PKN2: variants seen among roughly 807,000 people sequenced by gnomAD.
The protein encoded by PKN2 is serine/threonine-protein kinase N2.
A neutral mutation model predicts 119.1 loss-of-function variants in PKN2; 38 were observed. The ratio of observed to expected loss-of-function variants is 0.32; its 90% confidence interval spans 0.25 to 0.42. PKN2 has a LOEUF of 0.42. PKN2 is among the 10% of genes least tolerant of loss of function. The probability of loss-of-function intolerance (pLI) is 1.00; values close to 1 mark genes in which losing one functional copy is unlikely to be tolerated. For synonymous variants in PKN2, 390 were observed against 384.9 expected (o/e 1.01, Z -0.15); for missense variants, 850 against 1,165.1 (o/e 0.73, Z 3.94).
At chr1:88,732,477 T>G (rs1474522445) in intron 1 of PKN2, among the ~76,000 whole-genome samples, 1 of 152,196 alleles carries the variant, frequency 6.6e-6, no homozygotes, top group African/African-American at 2.4e-5. Flanking sequence ...GAAACCTTTC[T>G]TTATTCGCTA....
intron 8 of PKN2, among the ~76,000 whole-genome samples, chr1:88,800,327 T>C (rs1289245425): frequency 1.3e-5 from 2 of 152,214 alleles, no homozygotes; most frequent in Non-Finnish European, 2.9e-5. Context: ...AAACGTAATA[T>C]TTTTATTCCA....
chr1:88,743,309 G>A (rs112714777), intron 2 of PKN2, among the ~76,000 whole-genome samples: 8 of 152,184 alleles, frequency 5.3e-5, no homozygotes, highest in African/African-American at 1.7e-4. Context: ...CTCTACAATC[G>A]ATCTAGAACA....
chr1:88,714,738 T>C (rs1464701800), intron 1 of PKN2, among the ~76,000 whole-genome samples: 7 of 152,216 alleles, frequency 4.6e-5, no homozygotes, highest in Non-Finnish European at 1.5e-5. Context: ...TTTGACTTCC[T>C]CTTTTCCTAA....
intron 3 of PKN2, among the ~76,000 whole-genome samples, chr1:88,768,364 T>A (rs1475728337): frequency 4.6e-5 from 7 of 152,170 alleles, no homozygotes; most frequent in Non-Finnish European, 1.0e-4. Context: ...GCAGAATGTT[T>A]CCCTGTTTTT....
At chr1:88,743,021 T>C (rs1668636642) in intron 2 of PKN2, among the ~76,000 whole-genome samples, 1 of 152,100 alleles carries the variant, frequency 6.6e-6, no homozygotes, top group Admixed American at 6.6e-5. Flanking sequence ...TGAAAACCTG[T>C]CTCTACTAAA....
intron 8 of PKN2, among the ~76,000 whole-genome samples, chr1:88,798,638 A>G (rs754625246): frequency 6.6e-6 from 1 of 152,204 alleles, no homozygotes; most frequent in Non-Finnish European, 1.5e-5. Flanking sequence ...AAAAAGATTA[A>G]GAGATGAAAA....
At chr1:88,713,946 A>G (rs1262653042) in intron 1 of PKN2, among the ~76,000 whole-genome samples, 3 of 152,280 alleles carry the variant, frequency 2.0e-5, no homozygotes, top group Non-Finnish European at 4.4e-5. Context: ...TCCATCTTGA[A>G]TTAATATTTG....
chr1:88,738,825 C>G (rs1668461820), intron 1 of PKN2, among the ~76,000 whole-genome samples: 1 of 152,084 alleles, frequency 6.6e-6, no homozygotes, highest in Non-Finnish European at 1.5e-5. Context: ...CATTTTTTGC[C>G]TCAGTCCACT....
intron 3 of PKN2, among the ~76,000 whole-genome samples, chr1:88,763,621 A>AG (rs1486732418): frequency 6.6e-6 from 1 of 151,864 alleles, no homozygotes; most frequent in Non-Finnish European, 1.5e-5. Context: ...AAAAAAAAAA[A>AG]AAAAAGAAAG....
intron 3 of PKN2, among the ~76,000 whole-genome samples, chr1:88,764,182 C>A (rs1056271456): frequency 6.6e-6 from 1 of 152,176 alleles, no homozygotes; most frequent in African/African-American, 2.4e-5. Flanking sequence ...TCTAGCTACT[C>A]TAGCTTCTTT....
intron 19 of PKN2, chr1:88,829,152 A>G (rs1672628683): frequency 1.4e-6 from 1 of 739,800 alleles, no homozygotes. Context: ...CCCTGATGCC[A>G]TGTATGTCAA....
intron 15 of PKN2, 30 bp from the exon 16 acceptor site, chr1:88,813,527 C>T: frequency 7.1e-7 from 1 of 1,406,192 alleles, no homozygotes; most frequent in Non-Finnish European, 9.7e-7. Context: ...TATTTTTAAT[C>T]TGCTTATTTT....
chr1:88,770,232 C>T (rs1039717615), intron 3 of PKN2, 120 bp from the exon 4 acceptor site: 1 of 595,392 alleles, frequency 1.7e-6, no homozygotes, highest in Middle Eastern at 3.4e-4. Flanking sequence ...ATAGCGCCAA[C>T]AGCATTCTTT....
At chr1:88,733,330 T>A (rs190435183) in intron 1 of PKN2, among the ~76,000 whole-genome samples, 7 of 152,190 alleles carry the variant, frequency 4.6e-5, no homozygotes, top group Admixed American at 4.6e-4. Context: ...CTTTTATCCA[T>A]ACCCTCATCA....
chr1:88,784,839 T>C lies in PKN2; in HGVS notation c.1171+15T>C. 6.5e-7 allele frequency: 1 copy of C among 1,543,992 alleles called. No homozygotes were observed. The highest frequency in any genetic ancestry group is 8.8e-7 in the Non-Finnish European group (1 of 1,135,914). ...TGACTTGTCCAGTTCAGTAACCAGA[T>C]TTTTAAAAATCATGTAACAAACTAA... On this transcript the variant is annotated intron_variant, in intron 7 of 21. Coordinates refer to ENST00000370521, the MANE Select transcript of PKN2 (RefSeq NM_006256.4).
chr1:88,740,286 A>C (rs1254136408), intron 1 of PKN2, among the ~76,000 whole-genome samples: 1 of 152,088 alleles, frequency 6.6e-6, no homozygotes, highest in Non-Finnish European at 1.5e-5. Context: ...TTCATTAACT[A>C]AAAAGTGGTC....
chr1:88,716,631 G>C (rs1294985194), intron 1 of PKN2, among the ~76,000 whole-genome samples: 3 of 150,498 alleles, frequency 2.0e-5, no homozygotes, highest in Non-Finnish European at 4.4e-5. Flanking sequence ...CTTTTTTTTT[G>C]TTTTCCATTT....
At chr1:88,808,691 C>A (rs1370202877) in intron 15 of PKN2, among the ~76,000 whole-genome samples, 1 of 152,044 alleles carries the variant, frequency 6.6e-6, no homozygotes, top group African/African-American at 2.4e-5. Context: ...TATCTTAATA[C>A]AGAATAATTA....
In PKN2 at chr1:88,736,312, G is replaced by A. The variant is rs114009144; in HGVS notation, c.49-4676G>A. On this transcript the variant is annotated intron_variant, in intron 1 of 21. Transcript: ENST00000370521. ...TCCATCACTTTAGGGTTGTTTCCTG[G>A]TGCCTTATTTTGTTTGTTGCATGAA... 6.8e-3 allele frequency among the ~76,000 whole-genome samples: 1,027 copies of A among 152,000 alleles called. 10 individuals carry two copies. The highest frequency in any genetic ancestry group is 0.021 in the African/African-American group (868 of 41,464).
Sources: gnomAD v4.1 joint callset for allele counts (sites outside exome capture counted in the v4.1 genomes callset) on GRCh38, gnomAD v4.1.1 for gene constraint, MANE v1.5 for transcripts, NCBI Gene and HGNC (gene_info 2026-07-23, HGNC 2026-07-21) for gene names.